Variants in EPHB2 observed in about 807,000 individuals in gnomAD.
The protein encoded by EPHB2 is EPH receptor B2, also known as ephrin type-B receptor 2.
EPHB2 carries 18 observed loss-of-function variants against 96.4 expected under a neutral mutation model. That is an observed-to-expected ratio of 0.19 (90% confidence interval 0.13 to 0.28). The LOEUF is 0.28. Among genes scored for constraint, EPHB2 ranks in the 10% least tolerant of loss-of-function variants. The pLI is 1.00. For missense variants in EPHB2, 989 were observed against 1,355.4 expected, an observed-to-expected ratio of 0.73 and a Z score of 4.25; for synonymous variants, 506 against 534.1, an observed-to-expected ratio of 0.95 and a Z score of 0.72.
intron 5 of EPHB2, among the ~76,000 whole-genome samples, chr1:22,873,664 C>G (rs539489628): frequency 6.9e-6 from 1 of 145,162 alleles, no homozygotes; most frequent in South Asian, 2.2e-4. Context: ...TACAGCAACT[C>G]CGTGGAGCCA....
Position 22,906,678 on chromosome 1 carries a change from A to G in EPHB2, c.1889-32A>G. On this transcript the variant is annotated intron_variant, in intron 10 of 15. Coordinates refer to ENST00000374630, the MANE Select transcript of EPHB2 (RefSeq NM_017449.5). This position sits in a 1 kb window ranked among gnomAD's most constrained non-coding sequence, Gnocchi z 4.8. ...AGGTGGCCCTTCCACCTGGCAAGTG[A>G]CATCCTGTCTGTCTTGGTGTTTCTC... 6.2e-7 allele frequency: 1 copy of G among 1,613,886 alleles called. No homozygotes were observed. Among genetic ancestry groups the G allele is most frequent in the African/African-American group, 1.3e-5 (1 of 75,040 alleles).
At chr1:22,822,042 T>C (rs1303845365) in intron 3 of EPHB2, among the ~76,000 whole-genome samples, 1 of 152,250 alleles carries the variant, frequency 6.6e-6, no homozygotes, top group Non-Finnish European at 1.5e-5. Flanking sequence ...ACATCTACTA[T>C]GTACCAATTA....
intron 5 of EPHB2, among the ~76,000 whole-genome samples, chr1:22,878,175 T>C (rs1177546585): frequency 1.3e-5 from 2 of 152,058 alleles, no homozygotes; most frequent in Non-Finnish European, 2.9e-5. Flanking sequence ...GGGAGAGGTG[T>C]GAACAGAGCA....
intron 1 of EPHB2, among the ~76,000 whole-genome samples, chr1:22,764,852 A>G (rs1644285184): frequency 6.6e-6 from 1 of 152,168 alleles, no homozygotes; most frequent in Admixed American, 6.5e-5. Flanking sequence ...TTCTGCTGCC[A>G]GGTTCCCGCT....
At chr1:22,769,304 G>A (rs538316284) in intron 1 of EPHB2, among the ~76,000 whole-genome samples, 2 of 152,306 alleles carry the variant, frequency 1.3e-5, no homozygotes, top group South Asian at 4.1e-4. Context: ...GAAAGTGCTT[G>A]GGAACTAGTG....
At chr1:22,736,518 A>C (rs916427851) in intron 1 of EPHB2, among the ~76,000 whole-genome samples, 2 of 152,116 alleles carry the variant, frequency 1.3e-5, no homozygotes, top group Admixed American at 1.3e-4. Flanking sequence ...TGGCCAAAGC[A>C]TGGTTCCCTG....
At chr1:22,844,196 G>C (rs191196529) in intron 3 of EPHB2, among the ~76,000 whole-genome samples, 1 of 152,324 alleles carries the variant, frequency 6.6e-6, no homozygotes, top group East Asian at 1.9e-4. Context: ...TGGTACATCT[G>C]TTTTAAGCTC....
Position 22,906,938 on chromosome 1 carries a change from C to T in EPHB2, c.2117C>T (p.Ser706Phe). ...MIITEFMENGSLDSFLRQNDG... is the reference protein window; with the variant it reads ...MIITEFMENGFLDSFLRQNDG... Reference sequence around the variant, plus strand: ...ATCACCGAGTTCATGGAGAATGGCTCCCTGGACTCCTTTCTCCGGGTAGGG... The same window carrying T: ...ATCACCGAGTTCATGGAGAATGGCTTCCTGGACTCCTTTCTCCGGGTAGGG... Residue 706 changes from serine to phenylalanine, a missense_variant, in exon 11 of 16, where the codon TCC (serine) becomes TTC (phenylalanine). Physicochemically the swap from Ser to Phe is radical, Grantham distance 155. Transcript: ENST00000374630. The surrounding 1 kb of genome is among the most constrained non-coding windows in gnomAD (Gnocchi z 4.8). 6.2e-7 allele frequency: 1 copy of T among 1,611,020 alleles called. No individual in the cohort carries two copies. The highest frequency in any genetic ancestry group is 8.5e-7 in the Non-Finnish European group (1 of 1,177,606).
intron 1 of EPHB2, among the ~76,000 whole-genome samples, chr1:22,766,081 A>C (rs181886697): frequency 2.6e-4 from 40 of 152,250 alleles, no homozygotes; most frequent in Non-Finnish European, 4.0e-4. Context: ...AGATAATTGC[A>C]AGTTTAAATA....
chr1:22,779,929 A>C (rs2817908), intron 1 of EPHB2, among the ~76,000 whole-genome samples: 1 of 152,186 alleles, frequency 6.6e-6, no homozygotes, highest in Non-Finnish European at 1.5e-5. Flanking sequence ...CTCACTGAGC[A>C]AGGTGGTGTC....
chr1:22,803,269 C>T (rs959883899), intron 3 of EPHB2, among the ~76,000 whole-genome samples: 8 of 152,034 alleles, frequency 5.3e-5, no homozygotes, highest in African/African-American at 7.3e-5. Context: ...CAGCTGCAGC[C>T]GCTGTGGAGT....
chr1:22,890,307 G>A (rs1639350518), intron 6 of EPHB2, among the ~76,000 whole-genome samples: 1 of 152,142 alleles, frequency 6.6e-6, no homozygotes, highest in Non-Finnish European at 1.5e-5. Context: ...GCATCTGGCT[G>A]GGATGTCAAG....
rs756817061 is a variant in EPHB2, at chr1:22,784,467, A to C, written c.202A>C (p.Ser68Arg). The C allele has an allele frequency of 6.2e-7, 1 of 1,614,196 alleles. No homozygotes were observed. The highest frequency in any genetic ancestry group is 8.5e-7 in the Non-Finnish European group (1 of 1,180,032). ...TYQVCNVFES[S>R]QNNWLRTKFI... Reference sequence around the variant, plus strand: ...CCAGGTGTGCAACGTGTTTGAGTCAAGCCAGAACAACTGGCTACGGACCAA... The same window carrying C: ...CCAGGTGTGCAACGTGTTTGAGTCACGCCAGAACAACTGGCTACGGACCAA... The change falls in exon 3 of 16, where the codon AGC becomes CGC. Residue 68 changes from serine to arginine, a missense_variant. Transcript: ENST00000374630. The surrounding 1 kb of genome is among the most constrained non-coding windows in gnomAD (Gnocchi z 5.1).
At chr1:22,718,449 A>G (rs957333205) in intron 1 of EPHB2, among the ~76,000 whole-genome samples, 3 of 145,394 alleles carry the variant, frequency 2.1e-5, no homozygotes, top group Non-Finnish European at 3.0e-5. Context: ...GCAGTGGTGC[A>G]ATCTCGGCTC....
chr1:22,724,335 A>G lies in EPHB2; in HGVS notation c.61+13292A>G, dbSNP rs1643535378. Reference sequence around the variant, plus strand: ...ATGGACAGAGAACTAACATTTACTGATAATTGACTCGTGTTGTCTAAGGCC... The same window carrying G: ...ATGGACAGAGAACTAACATTTACTGGTAATTGACTCGTGTTGTCTAAGGCC... On this transcript the variant is annotated intron_variant, in intron 1 of 15. Coordinates refer to ENST00000374630, the MANE Select transcript of EPHB2 (RefSeq NM_017449.5). Among the ~76,000 whole-genome samples, 3 of 152,196 alleles carry G rather than the reference A, an allele frequency of 2.0e-5. No homozygotes were observed. The South Asian group carries it at 6.2e-4, about 31-fold the overall frequency.
chr1:22,774,243 G>A (rs762392322), intron 1 of EPHB2, among the ~76,000 whole-genome samples: 3 of 152,110 alleles, frequency 2.0e-5, no homozygotes, highest in South Asian at 4.1e-4. Context: ...GTCTCACTCC[G>A]CCTCTCCCTG....
intron 1 of EPHB2, among the ~76,000 whole-genome samples, chr1:22,747,642 A>G (rs1643995122): frequency 6.6e-6 from 1 of 152,342 alleles, no homozygotes; most frequent in East Asian, 1.9e-4. Context: ...CCCAGTCATC[A>G]GGGACCTCTG....
At chr1:22,842,772 T>C (rs984956348) in intron 3 of EPHB2, among the ~76,000 whole-genome samples, 1 of 152,022 alleles carries the variant, frequency 6.6e-6, no homozygotes, top group Admixed American at 6.5e-5. Context: ...ATTCATTCCC[T>C]CTGAGGAAGA....
At chr1:22,823,542 T>G (rs932227961) in intron 3 of EPHB2, among the ~76,000 whole-genome samples, 1 of 151,398 alleles carries the variant, frequency 6.6e-6, no homozygotes, top group Non-Finnish European at 1.5e-5. Flanking sequence ...GTTTTGAGAA[T>G]TACCACTCTA....
Sources: allele counts gnomAD v4.1 joint callset (sites outside exome capture counted in the v4.1 genomes callset), GRCh38; gene constraint gnomAD v4.1.1; non-coding constraint Gnocchi (gnomAD v3.1); transcripts MANE v1.5; gene names NCBI Gene and HGNC (gene_info 2026-07-23, HGNC 2026-07-21).